The following ERC2 variants were observed in gnomAD, a reference collection of about 807,000 sequenced individuals.
ERC2 encodes ELKS/RAB6-interacting/CAST family member 2, also known as ERC protein 2.
In ERC2, 42 loss-of-function variants were observed where a neutral mutation model predicts 114.8. That is an observed-to-expected ratio of 0.37 (90% CI 0.29 to 0.47). ERC2 has a LOEUF of 0.47. ERC2 is among the 20% of genes least tolerant of loss of function. The probability of loss-of-function intolerance (pLI) is 0.99; values close to 1 mark genes in which losing one functional copy is unlikely to be tolerated. For missense variants in ERC2, 939 were observed against 1,150.7 expected, an observed-to-expected ratio of 0.82 and a Z score of 2.66; for synonymous variants, 454 against 425.5, an observed-to-expected ratio of 1.07 and a Z score of -0.82.
intron 3 of ERC2, among the ~76,000 whole-genome samples, chr3:56,265,400 T>C (rs1427679114): frequency 6.6e-6 from 1 of 152,144 alleles, no homozygotes; most frequent in Non-Finnish European, 1.5e-5. Context: ...TGGATATCCA[T>C]ATGCAGAAGA....
At chr3:55,586,043 G>A (rs1283966820) in intron 17 of ERC2, among the ~76,000 whole-genome samples, 3 of 152,214 alleles carry the variant, frequency 2.0e-5, no homozygotes, top group African/African-American at 7.2e-5. Context: ...GGGCTTCCTG[G>A]AGAAGAGCCT....
chr3:55,688,361 C>G (rs1003178150), intron 16 of ERC2, among the ~76,000 whole-genome samples: 1 of 152,086 alleles, frequency 6.6e-6, no homozygotes, highest in Non-Finnish European at 1.5e-5. Context: ...AAGGAAGGCT[C>G]AGGGAGGGAG....
At chr3:56,203,810 C>T (rs1156625295) in intron 3 of ERC2, among the ~76,000 whole-genome samples, 1 of 152,140 alleles carries the variant, frequency 6.6e-6, no homozygotes, top group Non-Finnish European at 1.5e-5. Flanking sequence ...AGTGATATCT[C>T]AAAATAAGAT....
At chr3:56,097,292 A>T (rs979283216) in intron 6 of ERC2, among the ~76,000 whole-genome samples, 7 of 152,174 alleles carry the variant, frequency 4.6e-5, no homozygotes, top group Admixed American at 1.3e-4. Flanking sequence ...GCTGGAAGCA[A>T]GAATTGCCAT....
At chr3:55,965,684 G>T (rs980507342) in intron 12 of ERC2, among the ~76,000 whole-genome samples, 3 of 152,110 alleles carry the variant, frequency 2.0e-5, no homozygotes, top group Non-Finnish European at 4.4e-5. Context: ...CTTAACTTAT[G>T]CTCAATGGGG....
chr3:56,330,236 G>A (rs925231796), intron 2 of ERC2, among the ~76,000 whole-genome samples: 2 of 152,024 alleles, frequency 1.3e-5, no homozygotes, highest in Admixed American at 6.6e-5. Context: ...ACAAGGTTTC[G>A]CTATGTTGCC....
intron 2 of ERC2, among the ~76,000 whole-genome samples, chr3:56,330,503 C>G (rs981337936): frequency 2.6e-5 from 4 of 152,174 alleles, no homozygotes; most frequent in African/African-American, 9.6e-5. Context: ...GCAATTTTCA[C>G]TAACCCACAT....
chr3:55,589,261 T>G (rs556825003), intron 17 of ERC2, among the ~76,000 whole-genome samples: 104 of 143,766 alleles, frequency 7.2e-4, no homozygotes, highest in African/African-American at 2.5e-3. Flanking sequence ...GGTAAAATCA[T>G]CAACTTCAGC....
At chr3:55,784,987 G>A (rs144147747) in intron 14 of ERC2, among the ~76,000 whole-genome samples, 493 of 152,236 alleles carry the variant, frequency 3.2e-3, no homozygotes, top group African/African-American at 0.011. Context: ...AGGCATAACC[G>A]AAGATGCATG....
chr3:55,864,146 T>TATATATATACACATATATATACAC (rs1183495553), intron 14 of ERC2, among the ~76,000 whole-genome samples: 6 of 121,608 alleles, frequency 4.9e-5, no homozygotes, highest in Non-Finnish European at 8.8e-5. Flanking sequence ...TATACATATA[T>TATATATATACACATATATATACAC]ATATATATAC....
chr3:55,911,462 A>C (rs2064810798), intron 13 of ERC2, among the ~76,000 whole-genome samples: 2 of 152,196 alleles, frequency 1.3e-5, no homozygotes, highest in Admixed American at 1.3e-4. Context: ...GCAGACTAAG[A>C]CTGGAATGTG....
chr3:56,055,717 A>G (rs1411644970), intron 7 of ERC2, among the ~76,000 whole-genome samples: 5 of 152,178 alleles, frequency 3.3e-5, no homozygotes, highest in Admixed American at 3.3e-4. Context: ...TTAGTACAAC[A>G]CAGCTGCAGA....
At chr3:56,111,229 T>G (rs1321412972) in intron 6 of ERC2, among the ~76,000 whole-genome samples, 1 of 148,246 alleles carries the variant, frequency 6.7e-6, no homozygotes, top group Non-Finnish European at 1.5e-5. Flanking sequence ...ATTCGTAGTT[T>G]AGACAAAAAC....
intron 7 of ERC2, among the ~76,000 whole-genome samples, chr3:56,029,002 T>C (rs2074218779): frequency 6.6e-6 from 1 of 152,094 alleles, no homozygotes; most frequent in Non-Finnish European, 1.5e-5. Flanking sequence ...ACTAAGAGTT[T>C]TTATTATGAA....
chr3:56,255,259 G>C (rs534924012), intron 3 of ERC2, among the ~76,000 whole-genome samples: 2 of 152,240 alleles, frequency 1.3e-5, no homozygotes, highest in Non-Finnish European at 2.9e-5. Flanking sequence ...TCTACATTTA[G>C]GTGTTGGCCT....
At chr3:55,775,529 C>G (rs73076939) in intron 14 of ERC2, among the ~76,000 whole-genome samples, 23,402 of 117,572 alleles carry the variant, frequency 0.2, 2,010 homozygotes, top group East Asian at 0.32. Context: ...AGAATGAGAC[C>G]CTGTCTCAAA....
In ERC2 at chr3:55,665,336, G is replaced by C. The variant is rs187236918; in HGVS notation, c.*39+18458C>G. ...ACCTTTAAATGATTCATAGAATCTT[G>C]TTATGGATTGAGTTGTGCCCCCTCA... On this transcript the variant is annotated intron_variant, in intron 17 of 17. Coordinates refer to ENST00000288221, the MANE Select transcript of ERC2 (RefSeq NM_015576.3). Among the ~76,000 whole-genome samples the C allele has an allele frequency of 1.7e-3, 263 of 152,300 alleles. 2 individuals carry two copies. The highest frequency in any genetic ancestry group is 0.014 in the Middle Eastern group (4 of 294).
At chr3:55,603,522 C>T (rs2058503860) in intron 17 of ERC2, among the ~76,000 whole-genome samples, 1 of 151,752 alleles carries the variant, frequency 6.6e-6, no homozygotes, top group Non-Finnish European at 1.5e-5. Flanking sequence ...GTCCCAGCTA[C>T]TCGGGAGGCT....
chr3:55,786,388 T>C (rs1245937048), intron 14 of ERC2, among the ~76,000 whole-genome samples: 2 of 152,220 alleles, frequency 1.3e-5, no homozygotes, highest in Non-Finnish European at 1.5e-5. Context: ...AACAAAAAAG[T>C]CTGATCTCTG....
Sources: gnomAD v4.1 joint callset for allele counts (sites outside exome capture counted in the v4.1 genomes callset) on GRCh38, gnomAD v4.1.1 for gene constraint, MANE v1.5 for transcripts, NCBI Gene and HGNC (gene_info 2026-07-23, HGNC 2026-07-21) for gene names.